LRTM1: variants seen among roughly 807,000 people sequenced by gnomAD.
LRTM1 encodes the protein leucine rich repeat transmembrane protein 1, also known as leucine-rich repeat and transmembrane domain-containing protein 1.
Under a neutral mutation model 32.4 loss-of-function variants are expected in LRTM1, and 38 were observed. The observed-to-expected ratio is 1.17, with a 90% CI of 0.91 to 1.54. The LOEUF (loss-of-function observed/expected upper bound fraction) is 1.54, where lower values mean the gene tolerates loss of function less well. Ranked by LOEUF, LRTM1 falls within the 40% of genes most tolerant of loss-of-function variation. LRTM1 has a pLI of 0.00. For missense variants in LRTM1, 466 were observed against 415.4 expected, an observed-to-expected ratio of 1.12 and a Z score of -1.06; for synonymous variants, 186 against 169.9, an observed-to-expected ratio of 1.09 and a Z score of -0.74.
Position 54,927,978 on chromosome 3 carries a change from C to T in LRTM1, c.-67G>A, listed in dbSNP as rs532855794. The T allele has an allele frequency of 9.3e-6, 14 of 1,504,382 alleles. No homozygotes were observed. The highest frequency in any genetic ancestry group is 1.7e-5 in the Admixed American group (1 of 59,692). 93.2% of individuals were successfully genotyped at this position (1,504,382 alleles called of 1,614,324 possible). On this transcript the variant is annotated 5_prime_UTR_variant, in exon 1 of 3. It adds an upstream start codon to the 5' untranslated region. Coordinates refer to ENST00000273286, the MANE Select transcript of LRTM1 (RefSeq NM_020678.4). Reference sequence around the variant, plus strand: ...TTTAATTAATGTGCAGAGCAACACACGAAGGGCATGGCAGACTCAGAGCCC... The same window carrying T: ...TTTAATTAATGTGCAGAGCAACACATGAAGGGCATGGCAGACTCAGAGCCC...
chr3:54,956,739 G>A (rs1701905579), intron 1 of LRTM1, among the ~76,000 whole-genome samples: 2 of 152,032 alleles, frequency 1.3e-5, no homozygotes. Flanking sequence ...ATTACCTAGG[G>A]GAAGACAGAA....
In LRTM1 at chr3:54,921,442, TAGAG is replaced by T. The variant is rs565275541; in HGVS notation, c.605-2554_605-2551del. 4.4e-4 allele frequency among the ~76,000 whole-genome samples: 67 copies of T among 152,238 alleles called. 1 individual carries two copies. Among genetic ancestry groups the T allele is most frequent in the Middle Eastern group, 6.8e-3 (2 of 292 alleles). On this transcript the variant is annotated intron_variant, in intron 2 of 2. Transcript: ENST00000273286. ...TGAAGATGACTTGTTTACTAGTAAA[TAGAG>T]AGAAATATTAATCATACAATCTGTG... is the stretch of plus-strand genomic sequence containing the variant.
At chr3:54,922,300 C>T (rs1339023789) in intron 2 of LRTM1, among the ~76,000 whole-genome samples, 1 of 151,748 alleles carries the variant, frequency 6.6e-6, no homozygotes, top group Non-Finnish European at 1.5e-5. Flanking sequence ...AGGTTGCTTC[C>T]AGTGCCCTAG....
rs774219527 is a variant in LRTM1, at chr3:54,918,665, T to G, written c.832A>C (p.Arg278=). 2.5e-6 allele frequency: 4 copies of G among 1,614,206 alleles called. No homozygotes were observed. The South Asian group carries it at 4.4e-5, about 18-fold the overall frequency. ...LLECELKPKP[R]PANLRHAIAT... is the part of the protein sequence containing the mutation. ...ATGGCATGACGCAGGTTGGCCGGCCTTGGCTTGGGTTTGAGCTCGCACTCC... is the reference window on the plus strand; with the variant it reads ...ATGGCATGACGCAGGTTGGCCGGCCGTGGCTTGGGTTTGAGCTCGCACTCC... Residue 278 remains arginine (R), a synonymous_variant, in exon 3 of 3, where the codon AGG becomes CGG. Transcript: ENST00000273286.
intron 1 of LRTM1, 131 bp downstream of exon 1, chr3:54,927,774 A>G: frequency 1.0e-6 from 1 of 973,522 alleles, no homozygotes. Flanking sequence ...CCATGCAGAG[A>G]CATTTTTCAT....
At chr3:54,921,639 C>T (rs1481725320) in intron 2 of LRTM1, among the ~76,000 whole-genome samples, 2 of 152,136 alleles carry the variant, frequency 1.3e-5, no homozygotes. Flanking sequence ...AATGCCACCT[C>T]CAGGCCATAA....
intron 1 of LRTM1, among the ~76,000 whole-genome samples, chr3:54,938,822 T>C (rs1184113644): frequency 1.3e-5 from 2 of 152,160 alleles, no homozygotes; most frequent in African/African-American, 4.8e-5. Context: ...GCGCTAGAAA[T>C]ATGATTCTAG....
At chr3:54,960,275 C>T (rs1350532234) in intron 1 of LRTM1, among the ~76,000 whole-genome samples, 2 of 152,012 alleles carry the variant, frequency 1.3e-5, no homozygotes, top group Non-Finnish European at 1.5e-5. Flanking sequence ...TCTCCTCCCT[C>T]TCTCTCACCA....
chr3:54,926,429 T>C (rs1365608642), intron 1 of LRTM1, among the ~76,000 whole-genome samples: 6 of 151,826 alleles, frequency 4.0e-5, no homozygotes, highest in Non-Finnish European at 7.4e-5. Flanking sequence ...TCAGAGTTCT[T>C]ATCTACTGTG....
Position 54,918,362 on chromosome 3 carries a change from T to G in LRTM1, c.*97A>C. On this transcript the variant is annotated 3_prime_UTR_variant, in exon 3 of 3. Coordinates refer to ENST00000273286, the MANE Select transcript of LRTM1 (RefSeq NM_020678.4). ...TTTTTTTTTTTTTTTTTTTGTCTTTTGGCAAAAGCAAAATCAGACTAACAG... is the reference window on the plus strand; with the variant it reads ...TTTTTTTTTTTTTTTTTTTGTCTTTGGGCAAAAGCAAAATCAGACTAACAG... 2 of 583,218 alleles carry G rather than the reference T, an allele frequency of 3.4e-6. No homozygotes were observed. The highest frequency in any genetic ancestry group is 5.0e-6 in the Non-Finnish European group (2 of 397,242). 36.1% of individuals were successfully genotyped at this position (583,218 alleles called of 1,614,324 possible).
intron 1 of LRTM1, among the ~76,000 whole-genome samples, chr3:54,940,407 G>A (rs547857266): frequency 6.6e-6 from 1 of 152,272 alleles, no homozygotes; most frequent in Admixed American, 6.5e-5. Flanking sequence ...CTGCCTCGGT[G>A]CCTAATGCTG....
chr3:54,920,738 G>T (rs1440554956), intron 2 of LRTM1, among the ~76,000 whole-genome samples: 1 of 152,196 alleles, frequency 6.6e-6, no homozygotes, highest in Non-Finnish European at 1.5e-5. Flanking sequence ...CAGCCAGAGA[G>T]CATGGAGACT....
chr3:54,955,264 C>A (rs1248661637), intron 1 of LRTM1, among the ~76,000 whole-genome samples: 1 of 152,070 alleles, frequency 6.6e-6, no homozygotes, highest in Non-Finnish European at 1.5e-5. Flanking sequence ...CAGAGCTGCA[C>A]AGGGACAAAG....
chr3:54,925,723 C>T (rs1163202476), intron 1 of LRTM1, among the ~76,000 whole-genome samples: 7 of 152,256 alleles, frequency 4.6e-5, no homozygotes, highest in Non-Finnish European at 1.0e-4. Context: ...GTGTGGCTAC[C>T]GAGCTCTTGA....
chr3:54,935,303 A>G (rs1474023119), intron 1 of LRTM1, among the ~76,000 whole-genome samples: 1 of 152,158 alleles, frequency 6.6e-6, no homozygotes, highest in Non-Finnish European at 1.5e-5. Flanking sequence ...CCATTCCAAT[A>G]TCTTCCCAAT....
intron 1 of LRTM1, among the ~76,000 whole-genome samples, chr3:54,927,469 G>A (rs1409927627): frequency 6.6e-6 from 1 of 152,122 alleles, no homozygotes. Context: ...TTAGCTGTGG[G>A]GCTCAAGCAT....
chr3:54,921,656 C>T (rs1195978046), intron 2 of LRTM1, among the ~76,000 whole-genome samples: 1 of 152,080 alleles, frequency 6.6e-6, no homozygotes, highest in Non-Finnish European at 1.5e-5. Context: ...ATAAAGCCCC[C>T]GTGTAATCCG....
chr3:54,957,245 A>G (rs1575406311), intron 1 of LRTM1, among the ~76,000 whole-genome samples: 1 of 152,100 alleles, frequency 6.6e-6, no homozygotes, highest in East Asian at 1.9e-4. Context: ...ATGCAGCCTC[A>G]AACTCCTGGG....
intron 1 of LRTM1, among the ~76,000 whole-genome samples, chr3:54,963,704 T>A (rs948727614): frequency 5.9e-5 from 9 of 152,166 alleles, no homozygotes; most frequent in African/African-American, 2.2e-4. Context: ...GCTCTGGGGA[T>A]GCTGAAGTGT....
Sources: gnomAD v4.1 joint callset for allele counts (sites outside exome capture counted in the v4.1 genomes callset) on GRCh38, gnomAD v4.1.1 for gene constraint, MANE v1.5 for transcripts, NCBI Gene and HGNC (gene_info 2026-07-23, HGNC 2026-07-21) for gene names.